GPC3: variants seen among roughly 807,000 people sequenced by gnomAD.
GPC3 encodes the protein glypican-3.
Under a neutral mutation model 34.4 loss-of-function variants are expected in GPC3, and 3 were observed. The ratio of observed to expected loss-of-function variants is 0.09; its 90% CI spans 0.04 to 0.23. The LOEUF (loss-of-function observed/expected upper bound fraction) is 0.23. Ranked by LOEUF, GPC3 falls within the 10% of genes least tolerant of loss-of-function variation. The pLI is 1.00. For synonymous variants in GPC3, 177 were observed against 174.0 expected, an observed-to-expected ratio of 1.02 and a Z score of -0.13; for missense variants, 351 against 445.6, an observed-to-expected ratio of 0.79 and a Z score of 1.91.
At chrX:133,617,050 C>G (rs777572233) in intron 6 of GPC3, among the ~76,000 whole-genome samples, 1 of 111,062 alleles carries the variant, frequency 9.0e-6, no homozygotes, top group Non-Finnish European at 1.9e-5. Context: ...AAAGAATGCT[C>G]TTTTTTAAAA....
intron 2 of GPC3, among the ~76,000 whole-genome samples, chrX:133,908,647 TGTG>T (rs2076181615): frequency 9.0e-6 from 1 of 111,693 alleles, no homozygotes; most frequent in African/African-American, 3.3e-5. Context: ...GTTCATAAAA[TGTG>T]GTGACTATAC....
intron 2 of GPC3, among the ~76,000 whole-genome samples, chrX:133,827,944 C>CAA (rs760699432): frequency 0.014 from 487 of 35,676 alleles, 6 homozygotes; most frequent in African/African-American, 0.043. Context: ...AACTCCATCC[C>CAA]AAAAAAAAAA....
At chrX:133,599,644 CCAATGCCCTCCTTTAT>C (rs960347761) in intron 6 of GPC3, among the ~76,000 whole-genome samples, 1 of 111,651 alleles carries the variant, frequency 9.0e-6, no homozygotes, top group Non-Finnish European at 1.9e-5. Context: ...ACCAAAACCC[CCAATGCCCTCCTTTAT>C]CATTATGTCT....
At chrX:133,763,372 C>T (rs773006191) in intron 2 of GPC3, 86 of 541,822 alleles carry the variant, frequency 1.6e-4, no homozygotes, top group African/African-American at 1.5e-3. Flanking sequence ...TTCCTGCAAA[C>T]GCCTGTGGGA....
chrX:133,579,171 A>T (rs958347493), intron 7 of GPC3, among the ~76,000 whole-genome samples: 1 of 112,031 alleles, frequency 8.9e-6, no homozygotes, highest in African/African-American at 3.2e-5. Flanking sequence ...GACTCAGCTC[A>T]GTTTCTGACG....
chrX:133,894,830 ACT>A (rs1362423073), intron 2 of GPC3, among the ~76,000 whole-genome samples: 2 of 111,843 alleles, frequency 1.8e-5, no homozygotes, highest in Non-Finnish European at 3.8e-5. Flanking sequence ...ACAGAGCAAG[ACT>A]CTGCCTCAAA....
At chrX:133,562,233 A>G (rs1158848091) in intron 7 of GPC3, among the ~76,000 whole-genome samples, 1 of 111,718 alleles carries the variant, frequency 9.0e-6, no homozygotes, top group Non-Finnish European at 1.9e-5. Flanking sequence ...AGTCACGAGC[A>G]GTTTTCCAAG....
intron 3 of GPC3, among the ~76,000 whole-genome samples, chrX:133,744,972 T>C (rs182351745): frequency 0.034 from 3,713 of 107,911 alleles, 63 homozygotes; most frequent in Non-Finnish European, 0.054. Context: ...TGAGAACACA[T>C]GGACACAGGG....
At chrX:133,763,942 A>G (rs1304159029) in intron 2 of GPC3, among the ~76,000 whole-genome samples, 5 of 111,771 alleles carry the variant, frequency 4.5e-5, no homozygotes, top group Non-Finnish European at 1.9e-5. Context: ...AGGAAAATAA[A>G]TCATTCTACC....
intron 4 of GPC3, among the ~76,000 whole-genome samples, chrX:133,694,792 ACTT>A (rs2071098809): frequency 9.1e-6 from 1 of 109,426 alleles, no homozygotes; most frequent in Non-Finnish European, 1.9e-5. Flanking sequence ...ACCACCCTGA[ACTT>A]CTCCCAACCC....
At chrX:133,913,924 G>GA (rs749699237) in intron 2 of GPC3, among the ~76,000 whole-genome samples, 81 of 87,158 alleles carry the variant, frequency 9.3e-4, no homozygotes, top group South Asian at 3.2e-3. Flanking sequence ...AAGTTAAAGA[G>GA]AAAAAAAAAA....
intron 7 of GPC3, among the ~76,000 whole-genome samples, chrX:133,585,638 C>T (rs1239929082): frequency 9.0e-6 from 1 of 111,579 alleles, no homozygotes; most frequent in Non-Finnish European, 1.9e-5. Flanking sequence ...GGATGTTATC[C>T]TACAGGGACT....
chrX:133,628,500 A>G (rs1268203738), intron 6 of GPC3, among the ~76,000 whole-genome samples: 2 of 110,148 alleles, frequency 1.8e-5, no homozygotes, highest in Admixed American at 9.7e-5. Context: ...TACTAAACAT[A>G]CAAAAATTAG....
intron 6 of GPC3, among the ~76,000 whole-genome samples, chrX:133,654,647 G>A (rs1246654838): frequency 9.1e-6 from 1 of 110,185 alleles, no homozygotes; most frequent in African/African-American, 3.4e-5. Flanking sequence ...GGGAGGTGGA[G>A]GTTGCAGTGA....
chrX:133,943,640 G>C (rs2076354005), intron 2 of GPC3, among the ~76,000 whole-genome samples: 1 of 112,318 alleles, frequency 8.9e-6, no homozygotes, highest in African/African-American at 3.2e-5. Context: ...TTCAAGAAAA[G>C]GGAGCTTCTC....
At chrX:133,680,948 G>A (rs1454892539) in intron 5 of GPC3, among the ~76,000 whole-genome samples, 1 of 111,393 alleles carries the variant, frequency 9.0e-6, no homozygotes, top group Non-Finnish European at 1.9e-5. Flanking sequence ...CCATGACCAA[G>A]GATTGGGATT....
At chrX:133,889,030 A>G (rs1220614276) in intron 2 of GPC3, among the ~76,000 whole-genome samples, 1 of 112,291 alleles carries the variant, frequency 8.9e-6, no homozygotes, top group Non-Finnish European at 1.9e-5. Context: ...TGTAAATGGA[A>G]CACAGATTTA....
intron 2 of GPC3, among the ~76,000 whole-genome samples, chrX:133,773,387 T>G (rs965368925): frequency 8.9e-6 from 1 of 111,935 alleles, no homozygotes; most frequent in African/African-American, 3.2e-5. Context: ...AAGGACTCAA[T>G]AAATAAGTAA....
chrX:133,968,385 A>G (rs933025133), intron 1 of GPC3, among the ~76,000 whole-genome samples: 4 of 112,621 alleles, frequency 3.6e-5, no homozygotes, highest in Admixed American at 9.3e-5. Context: ...ATTCCTACAA[A>G]TGCTGAACCC....
Sources: allele counts gnomAD v4.1 joint callset (sites outside exome capture counted in the v4.1 genomes callset), GRCh38; gene constraint gnomAD v4.1.1; transcripts MANE v1.5; gene names NCBI Gene and HGNC (gene_info 2026-07-23, HGNC 2026-07-21).